The following LRRTM4 variants were observed in gnomAD, a reference collection of about 807,000 sequenced individuals.
LRRTM4 encodes the protein leucine-rich repeat transmembrane neuronal protein 4.
A neutral mutation model predicts 47.6 loss-of-function variants in LRRTM4; 25 were observed. That is an observed-to-expected ratio of 0.53 (90% CI 0.38 to 0.73). LRRTM4 has a LOEUF of 0.73. LRRTM4 is among the 30% of genes least tolerant of loss of function. The probability of loss-of-function intolerance (pLI) is 0.00; values close to 1 mark genes in which losing one functional copy is unlikely to be tolerated. For missense variants in LRRTM4, 638 were observed against 713.4 expected (o/e 0.89, Z 1.20); for synonymous variants, 311 against 269.5 (o/e 1.15, Z -1.51).
intron 3 of LRRTM4, among the ~76,000 whole-genome samples, chr2:77,459,458 T>G (rs373212880): frequency 6.6e-6 from 1 of 151,704 alleles, no homozygotes; most frequent in East Asian, 1.9e-4. Flanking sequence ...TGAACCTTAT[T>G]GTAAAAGTCC....
chr2:77,137,168 C>G (rs1485971899), intron 3 of LRRTM4, among the ~76,000 whole-genome samples: 3 of 151,564 alleles, frequency 2.0e-5, no homozygotes, highest in African/African-American at 7.3e-5. Context: ...CCAAGACACA[C>G]AATTGTCAAT....
rs192818258 is a variant in LRRTM4, at chr2:77,189,280, A to G, written c.1551+329038T>C. ...CAAGACATTGTCTATAACAGACCAT[A>G]TAACAAGGATGGTTGAAAGAAAGTG... is the stretch of plus-strand genomic sequence containing the variant. On this transcript the variant is annotated intron_variant, in intron 3 of 3. Transcript: ENST00000409884. Among the ~76,000 whole-genome samples the G allele has an allele frequency of 2.5e-3, 382 of 152,350 alleles. 6 individuals carry two copies. The highest frequency in any genetic ancestry group is 7.8e-4 in the Non-Finnish European group (53 of 68,026).
At chr2:77,242,762 T>C (rs1011281572) in intron 3 of LRRTM4, among the ~76,000 whole-genome samples, 2 of 152,148 alleles carry the variant, frequency 1.3e-5, no homozygotes, top group Non-Finnish European at 2.9e-5. Context: ...TAGAACCCCT[T>C]TGCTCTATTG....
chr2:76,844,730 T>TAAAC (rs1182008185), intron 3 of LRRTM4, among the ~76,000 whole-genome samples: 1 of 152,182 alleles, frequency 6.6e-6, no homozygotes, highest in African/African-American at 2.4e-5. Flanking sequence ...CTGAAATCAT[T>TAAAC]AAACATCTTA....
chr2:77,164,919 C>T (rs1160768958), intron 3 of LRRTM4, among the ~76,000 whole-genome samples: 2 of 152,056 alleles, frequency 1.3e-5, no homozygotes, highest in Admixed American at 6.6e-5. Context: ...GAAGCAAGAG[C>T]AAACACATTC....
chr2:77,077,988 T>G (rs1349302254), intron 3 of LRRTM4, among the ~76,000 whole-genome samples: 1 of 152,182 alleles, frequency 6.6e-6, no homozygotes, highest in Non-Finnish European at 1.5e-5. Context: ...TCTGTTTTCA[T>G]CAGGTGTTTG....
At chr2:76,961,044 T>C (rs1369200670) in intron 3 of LRRTM4, among the ~76,000 whole-genome samples, 4 of 151,564 alleles carry the variant, frequency 2.6e-5, no homozygotes, top group Non-Finnish European at 5.9e-5. Flanking sequence ...TTTTTAATTT[T>C]TCTATCAGCA....
At chr2:77,156,904 T>TC (rs2103797971) in intron 3 of LRRTM4, among the ~76,000 whole-genome samples, 1 of 152,068 alleles carries the variant, frequency 6.6e-6, no homozygotes, top group South Asian at 2.1e-4. Context: ...TTTTTTTTTT[T>TC]CTCAAGGTGT....
chr2:77,049,803 C>T (rs1354121502), intron 3 of LRRTM4, among the ~76,000 whole-genome samples: 1 of 151,772 alleles, frequency 6.6e-6, no homozygotes, highest in Non-Finnish European at 1.5e-5. Context: ...GATATAATCC[C>T]ACTCGTCTAT....
intron 2 of LRRTM4, 30 bp downstream of exon 2, chr2:77,521,638 C>T (rs1375515306): frequency 6.2e-7 from 1 of 1,612,084 alleles, no homozygotes; most frequent in South Asian, 1.1e-5. Flanking sequence ...ATCAGCTTTG[C>T]TCAGAAGGAA....
chr2:77,076,974 CAAT>C (rs937309450), intron 3 of LRRTM4, among the ~76,000 whole-genome samples: 1 of 152,066 alleles, frequency 6.6e-6, no homozygotes, highest in Non-Finnish European at 1.5e-5. Flanking sequence ...ACATCAACAA[CAAT>C]AAAAATGCAG....
At chr2:77,233,445 A>G (rs1246396572) in intron 3 of LRRTM4, among the ~76,000 whole-genome samples, 1 of 152,168 alleles carries the variant, frequency 6.6e-6, no homozygotes, top group Non-Finnish European at 1.5e-5. Flanking sequence ...ATTTTTTAAT[A>G]GTGTAAATTC....
intron 3 of LRRTM4, among the ~76,000 whole-genome samples, chr2:76,795,770 G>A (rs1675268477): frequency 6.6e-6 from 1 of 152,064 alleles, no homozygotes; most frequent in Admixed American, 6.5e-5. Flanking sequence ...TGACACCAAA[G>A]CCAGATCAGG....
At chr2:77,364,586 T>C (rs1400080789) in intron 3 of LRRTM4, among the ~76,000 whole-genome samples, 2 of 152,198 alleles carry the variant, frequency 1.3e-5, no homozygotes, top group Non-Finnish European at 2.9e-5. Context: ...ATAATTCCCA[T>C]AGTGCCCTTT....
chr2:76,940,769 C>G (rs1215777720), intron 3 of LRRTM4, among the ~76,000 whole-genome samples: 1 of 152,140 alleles, frequency 6.6e-6, no homozygotes, highest in Non-Finnish European at 1.5e-5. Context: ...GTCTCCACTT[C>G]CCCTTACTAC....
chr2:76,941,781 A>G (rs879158122), intron 3 of LRRTM4, among the ~76,000 whole-genome samples: 1 of 152,146 alleles, frequency 6.6e-6, no homozygotes, highest in South Asian at 2.1e-4. Flanking sequence ...ACACGTGTGC[A>G]TGTGTCTTTA....
intron 3 of LRRTM4, among the ~76,000 whole-genome samples, chr2:76,885,601 C>A (rs1456923164): frequency 6.6e-6 from 1 of 151,532 alleles, no homozygotes; most frequent in African/African-American, 2.4e-5. Flanking sequence ...TAGCTGGGAC[C>A]GCAAGCGCCC....
chr2:77,100,829 T>A (rs964350540), intron 3 of LRRTM4, among the ~76,000 whole-genome samples: 7 of 151,778 alleles, frequency 4.6e-5, no homozygotes, highest in Admixed American at 2.0e-4. Context: ...TAAGCTTCTA[T>A]TAAAGTAGCT....
At chr2:77,005,468 T>C (rs942699596) in intron 3 of LRRTM4, among the ~76,000 whole-genome samples, 1 of 152,058 alleles carries the variant, frequency 6.6e-6, no homozygotes, top group East Asian at 1.9e-4. Context: ...TGTGAGGACA[T>C]GAAATTTAGG....
Sources: gnomAD v4.1 joint callset for allele counts (sites outside exome capture counted in the v4.1 genomes callset) on GRCh38, gnomAD v4.1.1 for gene constraint, MANE v1.5 for transcripts, NCBI Gene and HGNC (gene_info 2026-07-23, HGNC 2026-07-21) for gene names.